The following RPS8 variants were observed in gnomAD, a reference collection of about 807,000 sequenced individuals.
RPS8 encodes ribosomal protein S8, also known as small ribosomal subunit protein eS8.
For missense variants in RPS8, 141 were observed against 269.7 expected (o/e 0.52, Z 3.34); for synonymous variants, 100 against 100.7 (o/e 0.99, Z 0.04).
chr1:44,777,888 G>A (rs1650914693), intron 4 of RPS8, 99 bp downstream of exon 4: 1 of 1,578,802 alleles, frequency 6.3e-7, no homozygotes, highest in South Asian at 1.1e-5. Flanking sequence ...AAGGGAGAGA[G>A]ATGAGAGCCT....
In RPS8 at chr1:44,778,578, T is replaced by G. The variant is rs1165172028; in HGVS notation, c.520T>G (p.Cys174Gly). The change falls in exon 6 of 6, where the codon TGC becomes GGC. Residue 174 changes from cysteine to glycine, a missense_variant and splice_region_variant. Transcript: ENST00000396651. Reference protein sequence around the residue: ...EQFQQGKLLACIASRPGQCGR... With the variant: ...EQFQQGKLLAGIASRPGQCGR... ...AAGGATCACCTACTCTCTTGCAGCG[T>G]GCATCGCTTCAAGGCCGGGACAGTG... 6.2e-7 allele frequency: 1 copy of G among 1,612,524 alleles called. No individual in the cohort carries two copies. Among genetic ancestry groups the G allele is most frequent in the Non-Finnish European group, 8.5e-7 (1 of 1,178,676 alleles).
rs1031658374 is a variant in RPS8 at position 44,777,762 on chromosome 1, C to T, written c.360C>T (p.Pro120=). 8.1e-6 allele frequency: 13 copies of T among 1,614,100 alleles called. No individual in the cohort carries two copies. The highest frequency in any genetic ancestry group is 1.1e-5 in the Non-Finnish European group (13 of 1,180,036). Reference sequence around the variant, plus strand: ...GGTACGAGTCCCACTATGCGCTGCCCCTGGGCCGCAAGAAGGGAGCCAAGC... The same window carrying T: ...GGTACGAGTCCCACTATGCGCTGCCTCTGGGCCGCAAGAAGGGAGCCAAGC... ...RQWYESHYAL[P]LGRKKGAKLT... Residue 120 remains proline (P), a synonymous_variant, in exon 4 of 6, where the codon CCC becomes CCT. Coordinates refer to ENST00000396651, the MANE Select transcript of RPS8 (RefSeq NM_001012.2).
Position 44,776,148 on chromosome 1 carries a change from C to G in RPS8, c.111+8C>G, listed in dbSNP as rs1220621052. 4 of 1,583,982 alleles carry G rather than the reference C, an allele frequency of 2.5e-6. No individual in the cohort carries two copies. The highest frequency in any genetic ancestry group is 1.1e-5 in the South Asian group (1 of 88,654). ...CCAGCTGCCAACACCAAGGTGGGTG[C>G]GAGCGTGGGCCTGTCCGCCTGGGAG... On this transcript the variant is annotated splice_region_variant and intron_variant, in intron 2 of 5. Transcript: ENST00000396651.
Position 44,777,705 on chromosome 1 carries a change from C to T in RPS8, c.303C>T (p.Ile101=), listed in dbSNP as rs765976878. 6 of 1,613,744 alleles carry T rather than the reference C, an allele frequency of 3.7e-6. No individual in the cohort carries two copies. The East Asian group carries it at 6.7e-5, about 18-fold the overall frequency. Residue 101 remains isoleucine, a synonymous_variant, in exon 4 of 6, where the codon ATC becomes ATT. Coordinates refer to ENST00000396651, the MANE Select transcript of RPS8 (RefSeq NM_001012.2). Reference sequence around the variant, plus strand: ...CCAAGACCCTGGTGAAGAATTGCATCGTGCTCATCGACAGCACACCGTACC... The same window carrying T: ...CCAAGACCCTGGTGAAGAATTGCATTGTGCTCATCGACAGCACACCGTACC... The part of the protein sequence containing the change: ...VRTKTLVKNC[I]VLIDSTPYRQ...
chr1:44,775,865 G>A lies in RPS8; in HGVS notation c.5-169G>A, dbSNP rs572252732. 6.1e-5 allele frequency: 50 copies of A among 824,974 alleles called. No homozygotes were observed. In the East Asian group the frequency reaches 1.1e-3, roughly 18 times the overall value. 51.1% of individuals were successfully genotyped at this position (824,974 alleles called of 1,614,324 possible). On this transcript the variant is annotated intron_variant, in intron 1 of 5. Transcript: ENST00000396651. ...GGAGGAGGCCCCGGCCTGGCCGCAC[G>A]TGTATGATGACAACTCGGTAATGCT...
At chr1:44,776,252 C>T (rs1650849422) in intron 2 of RPS8, 112 bp downstream of exon 2, 1 of 756,064 alleles carries the variant, frequency 1.3e-6, no homozygotes, top group Non-Finnish European at 2.2e-6. Flanking sequence ...TCTGATTTCT[C>T]TGTAGTAGGG....
intron 2 of RPS8, 53 bp downstream of exon 2, chr1:44,776,193 C>T (rs1650844941): frequency 1.5e-6 from 2 of 1,324,448 alleles, no homozygotes; most frequent in African/African-American, 3.0e-5. Context: ...CCCCGCTCTC[C>T]AGCGTGCTCG....
chr1:44,777,584 T>G (rs765925871), intron 3 of RPS8, 30 bp from the exon 4 acceptor site: 2 of 1,597,708 alleles, frequency 1.3e-6, no homozygotes, highest in Non-Finnish European at 1.7e-6. Context: ...TCCTCCAGTT[T>G]ACTTGATGCC....
chr1:44,775,676 TGAG>T, intron 1 of RPS8, 76 bp downstream of exon 1: 3 of 1,587,416 alleles, frequency 1.9e-6, no homozygotes, highest in Non-Finnish European at 2.6e-6. Flanking sequence ...CACAGCCTAC[TGAG>T]GAGTCCAGAC....
chr1:44,777,605 T>C lies in RPS8; in HGVS notation c.212-9T>C, dbSNP rs1489754292. On this transcript the variant is annotated splice_polypyrimidine_tract_variant and intron_variant, in intron 3 of 5. Coordinates refer to ENST00000396651, the MANE Select transcript of RPS8 (RefSeq NM_001012.2). Reference sequence around the variant, plus strand: ...AGTTTACTTGATGCCAAATTTCTCCTGTGAGCAGGTTGTACTCGTAAAACA... The same window carrying C: ...AGTTTACTTGATGCCAAATTTCTCCCGTGAGCAGGTTGTACTCGTAAAACA... 1 of 1,610,584 alleles carries C rather than the reference T, an allele frequency of 6.2e-7. No homozygotes were observed. The highest frequency in any genetic ancestry group is 8.5e-7 in the Non-Finnish European group (1 of 1,177,502).
intron 1 of RPS8, 132 bp downstream of exon 1, chr1:44,775,732 C>T: frequency 7.8e-7 from 1 of 1,274,534 alleles, no homozygotes; most frequent in Non-Finnish European, 1.1e-6. Flanking sequence ...AGTGGTGGCC[C>T]TCGGGTTTCG....
Position 44,775,888 on chromosome 1 carries a change from G to A in RPS8, c.5-146G>A. ...ACGTGTATGATGACAACTCGGTAAT[G>A]CTGCATACTCCCGAGTGCGCGGTGG... is the stretch of plus-strand genomic sequence containing the variant. On this transcript the variant is annotated intron_variant, in intron 1 of 5. Coordinates refer to ENST00000396651, the MANE Select transcript of RPS8 (RefSeq NM_001012.2). The A allele has an allele frequency of 3.5e-6, 3 of 853,652 alleles. 1 individual carries two copies. The South Asian group carries it at 4.0e-5, about 11-fold the overall frequency. The allele number at this position is 853,652 out of a possible 1,614,324, so 52.9% of individuals were successfully genotyped here.
rs1650843071 is a variant in RPS8 at position 44,776,160 on chromosome 1, T to TG, written c.111+21dup. The TG allele has an allele frequency of 6.4e-7, 1 of 1,552,660 alleles. No homozygotes were observed. Among genetic ancestry groups the TG allele is most frequent in the Non-Finnish European group, 8.7e-7 (1 of 1,146,862 alleles). On this transcript the variant is annotated intron_variant, in intron 2 of 5. Transcript: ENST00000396651. ...ACCAAGGTGGGTGCGAGCGTGGGCC[T>TG]GTCCGCCTGGGAGGTCGCCTTCCCC...
At chr1:44,777,844 C>A in intron 4 of RPS8, 55 bp downstream of exon 4, 1 of 1,594,900 alleles carries the variant, frequency 6.3e-7, no homozygotes. Flanking sequence ...CTCCAGCCTT[C>A]TCGTGATGAA....
rs545506281 is a variant in RPS8 at position 44,776,007 on chromosome 1, A to G, written c.5-27A>G. On this transcript the variant is annotated intron_variant, in intron 1 of 5. Coordinates refer to ENST00000396651, the MANE Select transcript of RPS8 (RefSeq NM_001012.2). The stretch of plus-strand genomic sequence containing the variant: ...GCTAGCACCGAGTCACAGTGGCTCA[A>G]GCTTCCTTCCCCGCTTCCACATGCA... 22 of 1,608,774 alleles carry G rather than the reference A, an allele frequency of 1.4e-5. No individual in the cohort carries two copies. In the South Asian group the frequency reaches 1.5e-4, roughly 11 times the overall value.
At chr1:44,777,964 C>G (rs1650917779) in intron 4 of RPS8, 36 bp from the exon 5 acceptor site, 1 of 1,612,684 alleles carries the variant, frequency 6.2e-7, no homozygotes, top group Non-Finnish European at 8.5e-7. Flanking sequence ...GCCTGCCTTC[C>G]TTCCCTGAGC....
chr1:44,777,845 T>C, intron 4 of RPS8, 56 bp downstream of exon 4: 1 of 1,595,056 alleles, frequency 6.3e-7, no homozygotes, highest in Non-Finnish European at 8.6e-7. Context: ...TCCAGCCTTC[T>C]CGTGATGAAA....
In RPS8 at chr1:44,778,104, G is replaced by A. The variant is rs903797216; in HGVS notation, c.492G>A (p.Glu164=). 4.4e-6 allele frequency: 7 copies of A among 1,598,258 alleles called. No homozygotes were observed. The highest frequency in any genetic ancestry group is 6.0e-6 in the Non-Finnish European group (7 of 1,171,858). ...KNAKISSLLE[E]QFQQGKLLAC... ...CCAAAATCAGCAGTCTCCTGGAGGA[G>A]CAGTTCCAGCAGGGCAAGCTTCTTG... Residue 164 remains glutamate, a synonymous_variant, in exon 5 of 6, where the codon GAG becomes GAA. Coordinates refer to ENST00000396651, the MANE Select transcript of RPS8 (RefSeq NM_001012.2).
intron 4 of RPS8, 91 bp downstream of exon 4, chr1:44,777,880 G>A: frequency 6.3e-7 from 1 of 1,578,900 alleles, no homozygotes; most frequent in Non-Finnish European, 8.7e-7. Flanking sequence ...TGCTACTGAA[G>A]GGAGAGAGAT....
Sources: allele counts gnomAD v4.1 joint callset, GRCh38; gene constraint gnomAD v4.1.1; transcripts MANE v1.5; gene names NCBI Gene and HGNC (gene_info 2026-07-23, HGNC 2026-07-21).